Variants in GLRB observed in about 807,000 individuals in gnomAD.
GLRB encodes the protein glycine receptor beta, also known as glycine receptor subunit beta.
GLRB carries 33 observed loss-of-function variants against 54.2 expected under a neutral mutation model. The ratio of observed to expected loss-of-function variants is 0.61; its 90% CI spans 0.46 to 0.81. The LOEUF (loss-of-function observed/expected upper bound fraction) is 0.81. GLRB is among the 40% of genes least tolerant of loss of function. GLRB has a pLI of 0.00. For missense variants in GLRB, 572 were observed against 584.6 expected (o/e 0.98, Z 0.22); for synonymous variants, 209 against 208.2 (o/e 1.00, Z -0.03).
Position 157,136,709 on chromosome 4 carries a change from A to C in GLRB, c.527+11A>C. The C allele has an allele frequency of 6.5e-7, 1 of 1,533,872 alleles. No individual in the cohort carries two copies. The highest frequency in any genetic ancestry group is 9.0e-7 in the Non-Finnish European group (1 of 1,107,086). On this transcript the variant is annotated intron_variant, in intron 5 of 9. Transcript: ENST00000264428. ...CCTTGTCAGCATGAGGTACTCTTTT[A>C]TATTTCATATTTGTGCATTTATATT...
chr4:157,145,750 C>T (rs1209588286), intron 8 of GLRB, among the ~76,000 whole-genome samples: 3 of 151,986 alleles, frequency 2.0e-5, no homozygotes, highest in Non-Finnish European at 4.4e-5. Context: ...TAGCAAACTG[C>T]TTGTTAGAAA....
intron 9 of GLRB, among the ~76,000 whole-genome samples, chr4:157,155,599 A>G (rs1439985049): frequency 6.6e-6 from 1 of 152,210 alleles, no homozygotes; most frequent in Non-Finnish European, 1.5e-5. Context: ...GCGCCTAAAA[A>G]GTATTGTGTT....
intron 2 of GLRB, among the ~76,000 whole-genome samples, chr4:157,091,171 T>C (rs1467407465): frequency 6.6e-6 from 1 of 152,196 alleles, no homozygotes; most frequent in African/African-American, 2.4e-5. Flanking sequence ...TCAGGTAATG[T>C]TTTTGAAACG....
intron 7 of GLRB, among the ~76,000 whole-genome samples, chr4:157,140,981 T>C (rs969884004): frequency 4.6e-5 from 7 of 151,924 alleles, no homozygotes; most frequent in Admixed American, 6.6e-5. Flanking sequence ...AAATCTCCAT[T>C]TGGGGACTCA....
At chr4:157,162,830 CTG>C (rs1389108320) in intron 9 of GLRB, among the ~76,000 whole-genome samples, 4 of 152,180 alleles carry the variant, frequency 2.6e-5, no homozygotes, top group Admixed American at 1.3e-4. Flanking sequence ...ATCTCAAACT[CTG>C]TGCTGGGAGA....
At chr4:157,113,802 C>T (rs1185421559) in intron 2 of GLRB, among the ~76,000 whole-genome samples, 1 of 151,924 alleles carries the variant, frequency 6.6e-6, no homozygotes, top group Non-Finnish European at 1.5e-5. Flanking sequence ...CACACATACA[C>T]ACACTCATAA....
intron 9 of GLRB, among the ~76,000 whole-genome samples, chr4:157,160,894 T>G (rs1737458178): frequency 6.6e-6 from 1 of 152,294 alleles, no homozygotes; most frequent in South Asian, 2.1e-4. Flanking sequence ...CTTTGTTATC[T>G]TTCTGTGTCG....
intron 9 of GLRB, among the ~76,000 whole-genome samples, chr4:157,165,035 A>G (rs1737657423): frequency 6.6e-6 from 1 of 152,160 alleles, no homozygotes; most frequent in East Asian, 1.9e-4. Context: ...AGAGATGCAT[A>G]GAGTTAAGAA....
intron 4 of GLRB, among the ~76,000 whole-genome samples, chr4:157,130,003 A>G (rs1032225947): frequency 2.0e-5 from 3 of 151,802 alleles, no homozygotes; most frequent in Admixed American, 2.0e-4. Context: ...TAACAACAAC[A>G]TGAAGGATAT....
At chr4:157,079,352 A>T (rs1033470263) in intron 2 of GLRB, among the ~76,000 whole-genome samples, 1 of 152,158 alleles carries the variant, frequency 6.6e-6, no homozygotes, top group African/African-American at 2.4e-5. Flanking sequence ...TCCATAAGAG[A>T]TGAGGTACAT....
intron 9 of GLRB, among the ~76,000 whole-genome samples, chr4:157,163,853 T>TGTGTGTG (rs1560978896): frequency 6.6e-6 from 1 of 151,658 alleles, no homozygotes; most frequent in Non-Finnish European, 1.5e-5. Flanking sequence ...TGTGTGTGTG[T>TGTGTGTG]TTTAATATAA....
In GLRB at chr4:157,136,512, C is replaced by G; in HGVS notation, c.341C>G (p.Pro114Arg). The change falls in exon 5 of 10, where the codon CCC becomes CGC. Residue 114 changes from proline to arginine, a missense_variant. Physicochemically the swap from Pro to Arg is moderately radical, Grantham distance 103 (BLOSUM62 -2). Transcript: ENST00000264428. ...NIFLRQKWND[P>R]RLKLPSDFRG... is the part of the protein sequence containing the mutation. ...TTCCTGAGACAAAAATGGAATGACCCCAGGCTGAAGCTCCCCAGTGATTTT... is the reference window on the plus strand; with the variant it reads ...TTCCTGAGACAAAAATGGAATGACCGCAGGCTGAAGCTCCCCAGTGATTTT... 8 of 1,612,776 alleles carry G rather than the reference C, an allele frequency of 5.0e-6. No homozygotes were observed. The highest frequency in any genetic ancestry group is 6.8e-6 in the Non-Finnish European group (8 of 1,178,916).
chr4:157,159,176 GA>G (rs1181552870), intron 9 of GLRB, among the ~76,000 whole-genome samples: 18 of 152,252 alleles, frequency 1.2e-4, no homozygotes, highest in Admixed American at 3.9e-4. Context: ...TTTGCACGTA[GA>G]TTTTGTATCC....
intron 4 of GLRB, among the ~76,000 whole-genome samples, chr4:157,134,749 A>G (rs1409351258): frequency 1.6e-4 from 24 of 152,122 alleles, no homozygotes; most frequent in Admixed American, 1.6e-3. Flanking sequence ...TATTTCAGAA[A>G]GAGTTGAGGT....
At chr4:157,166,972 T>G (rs2126632346) in intron 9 of GLRB, among the ~76,000 whole-genome samples, 1 of 152,252 alleles carries the variant, frequency 6.6e-6, no homozygotes, top group Non-Finnish European at 1.5e-5. Context: ...GTTATAATAT[T>G]ATATAAATTT....
chr4:157,143,182 G>A (rs1736679970), intron 7 of GLRB, among the ~76,000 whole-genome samples: 1 of 151,946 alleles, frequency 6.6e-6, no homozygotes, highest in Admixed American at 6.6e-5. Context: ...AAGTAGAGGT[G>A]GGCAAAGAAT....
chr4:157,142,688 A>C (rs1736661009), intron 7 of GLRB, among the ~76,000 whole-genome samples: 2 of 152,152 alleles, frequency 1.3e-5, no homozygotes, highest in Admixed American at 1.3e-4. Flanking sequence ...AATAGGAAAA[A>C]GTAACATTAT....
Position 157,152,866 on chromosome 4 carries a change from G to A in GLRB, c.1053G>A (p.Gln351=), listed in dbSNP as rs1737077612. 6.2e-7 allele frequency: 1 copy of A among 1,614,044 alleles called. No homozygotes were observed. The highest frequency in any genetic ancestry group is 8.5e-7 in the Non-Finnish European group (1 of 1,180,010). Residue 351 remains glutamine (Q), a synonymous_variant, in exon 9 of 10, where the codon CAG becomes CAA. Coordinates refer to ENST00000264428, the MANE Select transcript of GLRB (RefSeq NM_000824.5). ...FASLVEYAVV[Q]VMLNNPKRVE... is the part of the protein sequence containing the mutation. ...CCCTGGTGGAGTATGCAGTTGTCCA[G>A]GTGATGCTGAACAACCCCAAAAGGG... is the stretch of plus-strand genomic sequence containing the variant.
chr4:157,170,364 T>C, intron 9 of GLRB, 68 bp from the exon 10 acceptor site: 2 of 888,712 alleles, frequency 2.3e-6, no homozygotes, highest in African/African-American at 3.3e-5. Flanking sequence ...TTTAAAAATA[T>C]CGTTTGAAGA....
Sources: gnomAD v4.1 joint callset for allele counts (sites outside exome capture counted in the v4.1 genomes callset) on GRCh38, gnomAD v4.1.1 for gene constraint, MANE v1.5 for transcripts, NCBI Gene and HGNC (gene_info 2026-07-23, HGNC 2026-07-21) for gene names.